The following IFT88 variants were observed in gnomAD, a reference collection of about 807,000 sequenced individuals.
The protein encoded by IFT88 is intraflagellar transport protein 88 homolog.
IFT88 carries 74 observed loss-of-function variants against 119.5 expected under a neutral mutation model. The ratio of observed to expected loss-of-function variants is 0.62; its 90% CI spans 0.51 to 0.75. The LOEUF (loss-of-function observed/expected upper bound fraction) is 0.75, where lower values mean the gene tolerates loss of function less well. Among genes scored for constraint, IFT88 ranks in the 30% least tolerant of loss-of-function variants. IFT88 has a pLI of 0.00. For missense variants in IFT88, 961 were observed against 977.7 expected (o/e 0.98, Z 0.23); for synonymous variants, 279 against 316.7 (o/e 0.88, Z 1.26).
intron 24 of IFT88, among the ~76,000 whole-genome samples, chr13:20,675,396 C>T (rs1379551711): frequency 2.0e-5 from 3 of 152,102 alleles, no homozygotes; most frequent in Non-Finnish European, 4.4e-5. Context: ...ACTTTGTATA[C>T]GGTATGTATC....
intron 7 of IFT88, among the ~76,000 whole-genome samples, chr13:20,593,186 A>G (rs552986809): frequency 3.9e-5 from 6 of 152,338 alleles, no homozygotes; most frequent in Admixed American, 2.6e-4. Flanking sequence ...CCAAAAAGCT[A>G]TGGTATACAT....
chr13:20,647,013 T>G (rs549122760), intron 20 of IFT88, among the ~76,000 whole-genome samples: 1 of 152,288 alleles, frequency 6.6e-6, no homozygotes, highest in African/African-American at 2.4e-5. Flanking sequence ...CACAAATCTG[T>G]GTGATATGAG....
At chr13:20,663,452 T>A in intron 22 of IFT88, 46 bp from the exon 23 acceptor site, 1 of 1,600,680 alleles carries the variant, frequency 6.2e-7, no homozygotes, top group Non-Finnish European at 8.5e-7. Flanking sequence ...TTTTAACAAA[T>A]ATACTGTGCC....
intron 20 of IFT88, among the ~76,000 whole-genome samples, chr13:20,651,113 C>A (rs955801869): frequency 5.3e-5 from 8 of 151,934 alleles, no homozygotes; most frequent in Admixed American, 4.6e-4. Context: ...AGCATGAGTT[C>A]TTCAACTTTT....
intron 1 of IFT88, among the ~76,000 whole-genome samples, chr13:20,569,836 G>A (rs2035902204): frequency 6.6e-6 from 1 of 151,682 alleles, no homozygotes; most frequent in Non-Finnish European, 1.5e-5. Context: ...AGACCATACC[G>A]GCTAATACGG....
intron 24 of IFT88, among the ~76,000 whole-genome samples, chr13:20,683,779 C>A (rs1253414354): frequency 2.0e-5 from 3 of 152,116 alleles, no homozygotes; most frequent in African/African-American, 7.2e-5. Context: ...GCTTCCAAAT[C>A]CTCCTGTTTG....
intron 14 of IFT88, among the ~76,000 whole-genome samples, chr13:20,620,336 G>T (rs73431393): frequency 2.7e-3 from 408 of 152,038 alleles, no homozygotes; most frequent in African/African-American, 8.9e-3. Flanking sequence ...CTATATATTG[G>T]TCTGTTTGTA....
At chr13:20,649,170 A>G (rs1426918045) in intron 20 of IFT88, among the ~76,000 whole-genome samples, 1 of 152,218 alleles carries the variant, frequency 6.6e-6, no homozygotes. Flanking sequence ...AGGTAGACCT[A>G]ACAGTCATAC....
chr13:20,633,566 C>T (rs931322713), intron 16 of IFT88, among the ~76,000 whole-genome samples: 13 of 152,304 alleles, frequency 8.5e-5, no homozygotes, highest in African/African-American at 3.1e-4. Flanking sequence ...TAGAAAATCA[C>T]TAATGAATTT....
At chr13:20,669,061 A>G (rs2055304650) in intron 23 of IFT88, among the ~76,000 whole-genome samples, 1 of 152,186 alleles carries the variant, frequency 6.6e-6, no homozygotes, top group African/African-American at 2.4e-5. Context: ...GAAGGCACTG[A>G]ACCAACCGAG....
chr13:20,676,484 C>G (rs2056673304), intron 24 of IFT88, among the ~76,000 whole-genome samples: 1 of 152,200 alleles, frequency 6.6e-6, no homozygotes. Context: ...CCAGTGTCCA[C>G]TGCACTGCCA....
intron 24 of IFT88, among the ~76,000 whole-genome samples, chr13:20,690,459 A>G (rs1395166943): frequency 1.3e-5 from 2 of 152,220 alleles, no homozygotes; most frequent in Admixed American, 1.3e-4. Flanking sequence ...GAAACCTATA[A>G]GTAAGCACAC....
intron 22 of IFT88, among the ~76,000 whole-genome samples, chr13:20,662,652 AT>A (rs1417183762): frequency 6.6e-6 from 1 of 152,244 alleles, no homozygotes; most frequent in Non-Finnish European, 1.5e-5. Flanking sequence ...GGAAAATATT[AT>A]TTTTAAATGA....
At chr13:20,616,144 A>G (rs1259588479) in intron 14 of IFT88, among the ~76,000 whole-genome samples, 1 of 152,250 alleles carries the variant, frequency 6.6e-6, no homozygotes, top group Non-Finnish European at 1.5e-5. Flanking sequence ...GTGGTCTGGT[A>G]AGATAGGAAG....
intron 17 of IFT88, among the ~76,000 whole-genome samples, chr13:20,639,404 A>G (rs1292503199): frequency 2.6e-5 from 4 of 152,206 alleles, no homozygotes; most frequent in African/African-American, 7.2e-5. Context: ...AGACCTGTCC[A>G]TAAGTCAATT....
intron 9 of IFT88, among the ~76,000 whole-genome samples, chr13:20,597,345 G>T (rs1030428538): frequency 6.6e-6 from 1 of 151,992 alleles, no homozygotes; most frequent in Admixed American, 6.6e-5. Flanking sequence ...AGTGACTCAC[G>T]CCTGTAATCC....
chr13:20,688,163 C>T (rs1200744487), intron 24 of IFT88, among the ~76,000 whole-genome samples: 1 of 152,294 alleles, frequency 6.6e-6, no homozygotes, highest in South Asian at 2.1e-4. Flanking sequence ...AGGTGAAACC[C>T]CGTCTCTACT....
At chr13:20,616,906 GGTT>G (rs932096679) in intron 14 of IFT88, among the ~76,000 whole-genome samples, 1 of 151,858 alleles carries the variant, frequency 6.6e-6, no homozygotes, top group African/African-American at 2.4e-5. Context: ...TTGTCTATGT[GGTT>G]GGTCCTGGAC....
chr13:20,601,801 A>G lies in IFT88; in HGVS notation c.909A>G (p.Pro303=). 1 of 1,613,670 alleles carries G rather than the reference A, an allele frequency of 6.2e-7. No homozygotes were observed. Among genetic ancestry groups the G allele is most frequent in the Non-Finnish European group, 8.5e-7 (1 of 1,179,588 alleles). Residue 303 remains proline (P), a synonymous_variant, in exon 12 of 26, where the codon CCA becomes CCG. Coordinates refer to ENST00000351808, the MANE Select transcript of IFT88 (RefSeq NM_006531.5). ...NSYEHIMSMA[P]NLKAGYNLTI... is the part of the protein sequence containing the mutation. ...ATGAGCACATAATGAGCATGGCACC[A>G]AATCTGAAGGCAGGCTACAACCTAA...
Sources: allele counts gnomAD v4.1 joint callset (sites outside exome capture counted in the v4.1 genomes callset), GRCh38; gene constraint gnomAD v4.1.1; transcripts MANE v1.5; gene names NCBI Gene and HGNC (gene_info 2026-07-23, HGNC 2026-07-21).